Variants in ZNF536 observed in about 807,000 individuals in gnomAD.
The protein encoded by ZNF536 is zinc finger protein 536.
Under a neutral mutation model 84.5 loss-of-function variants are expected in ZNF536, and 13 were observed. The observed-to-expected ratio is 0.15, with a 90% CI of 0.10 to 0.24. The LOEUF (loss-of-function observed/expected upper bound fraction) is 0.24. Among genes scored for constraint, ZNF536 ranks in the 10% least tolerant of loss-of-function variants. The pLI, the probability that ZNF536 is intolerant of heterozygous loss-of-function variation, is 1.00. For missense variants in ZNF536, 1,536 were observed against 1,747.5 expected (o/e 0.88, Z 2.16); for synonymous variants, 811 against 742.5 (o/e 1.09, Z -1.50).
intron 1 of ZNF536, among the ~76,000 whole-genome samples, chr19:30,430,017 G>T (rs1193629724): frequency 1.3e-5 from 2 of 151,956 alleles, no homozygotes; most frequent in African/African-American, 4.8e-5. Flanking sequence ...GACAGAGTGG[G>T]GTTAGCTCTT....
chr19:30,564,029 C>G (rs1403787332), intron 1 of ZNF536, among the ~76,000 whole-genome samples: 1 of 151,958 alleles, frequency 6.6e-6, no homozygotes, highest in Admixed American at 6.6e-5. Flanking sequence ...CACAGAGGAC[C>G]CAAGGGCTAA....
chr19:30,386,275 T>C (rs549493553), intron 1 of ZNF536, among the ~76,000 whole-genome samples: 2 of 152,354 alleles, frequency 1.3e-5, no homozygotes, highest in South Asian at 4.1e-4. Flanking sequence ...TGAGTGGAGT[T>C]AGCCCCTCAC....
intron 1 of ZNF536, among the ~76,000 whole-genome samples, chr19:30,680,931 T>G (rs1364752032): frequency 6.6e-6 from 1 of 152,206 alleles, no homozygotes; most frequent in African/African-American, 2.4e-5. Context: ...CCTGACTTTT[T>G]AATGATCACC....
At chr19:30,495,646 C>T (rs1035439024) in intron 2 of ZNF536, among the ~76,000 whole-genome samples, 6 of 152,220 alleles carry the variant, frequency 3.9e-5, no homozygotes, top group Non-Finnish European at 8.8e-5. Context: ...GTTGCACATC[C>T]AAGACAGAAC....
chr19:30,492,470 TA>T (rs1208545189), intron 2 of ZNF536, among the ~76,000 whole-genome samples: 1 of 152,230 alleles, frequency 6.6e-6, no homozygotes, highest in Non-Finnish European at 1.5e-5. Flanking sequence ...AGGTATCATA[TA>T]TCAGAACATA....
chr19:30,542,993 G>A (rs993044570), intron 3 of ZNF536, among the ~76,000 whole-genome samples: 1 of 152,068 alleles, frequency 6.6e-6, no homozygotes, highest in Non-Finnish European at 1.5e-5. Context: ...TAAATTTTTT[G>A]TAGAAACGAG....
In ZNF536 at chr19:30,328,525, G is replaced by A. The variant is rs190389512; in HGVS notation, c.-119-23843G>A. Among the ~76,000 whole-genome samples, 267 of 152,276 alleles carry A rather than the reference G, an allele frequency of 1.8e-3. 3 individuals are homozygous for A. Among genetic ancestry groups the A allele is most frequent in the Middle Eastern group, 6.8e-3 (2 of 294 alleles). ...GGAAGACTTGGCTCTTAATAATTGC[G>A]TATTCAATAAATGGTGATGCATTGT... is the stretch of plus-strand genomic sequence containing the variant. On this transcript the variant is annotated intron_variant, in intron 2 of 5. Coordinates refer to the ZNF536 transcript ENST00000585628.
At chr19:30,609,326 A>G (rs888363399) in intron 1 of ZNF536, among the ~76,000 whole-genome samples, 5 of 152,210 alleles carry the variant, frequency 3.3e-5, no homozygotes, top group African/African-American at 1.2e-4. Context: ...GCTCTTGTCT[A>G]GAATCACCTC....
rs79463168 is a variant in ZNF536, at chr19:30,257,450, C to A, written c.-189-26622C>A. Reference sequence around the variant, plus strand: ...GAATATTTTCCTTTCACGTGCTGTGCCTTTTGCAAACTCTTCCTTGCATTT... The same window carrying A: ...GAATATTTTCCTTTCACGTGCTGTGACTTTTGCAAACTCTTCCTTGCATTT... On this transcript the variant is annotated intron_variant, in intron 1 of 5. Transcript: ENST00000585628. Among the ~76,000 whole-genome samples, 1,293 of 152,310 alleles carry A rather than the reference C, an allele frequency of 8.5e-3. 5 individuals carry two copies. The highest frequency in any genetic ancestry group is 0.017 in the Middle Eastern group (5 of 294).
chr19:30,430,702 C>T (rs970353512), intron 1 of ZNF536, among the ~76,000 whole-genome samples: 16 of 152,154 alleles, frequency 1.1e-4, no homozygotes, highest in Non-Finnish European at 4.4e-5. Flanking sequence ...AAAAGGGAGT[C>T]CTTTCTCTTT....
chr19:30,290,237 T>C (rs1009868248), intron 2 of ZNF536, among the ~76,000 whole-genome samples: 1 of 152,262 alleles, frequency 6.6e-6, no homozygotes, highest in Non-Finnish European at 1.5e-5. Flanking sequence ...AAGATTCTGC[T>C]ATACAGTATG....
chr19:30,384,104 CTTTCTTTCTTTCTTTCTT>C (rs2049201526), intron 1 of ZNF536, among the ~76,000 whole-genome samples: 78 of 56,906 alleles, frequency 1.4e-3, no homozygotes, highest in Non-Finnish European at 1.9e-3. Flanking sequence ...CTTTCTCTTT[CTTTCTTTCTTTCTTTCTT>C]TCTTTCTTTC....
At chr19:30,695,005 G>A (rs1487417097) in intron 1 of ZNF536, among the ~76,000 whole-genome samples, 11 of 152,322 alleles carry the variant, frequency 7.2e-5, no homozygotes, top group Admixed American at 3.3e-4. Flanking sequence ...CTGAGAAGCC[G>A]TTCAACACTC....
At chr19:30,494,440 A>G (rs1322924959) in intron 2 of ZNF536, among the ~76,000 whole-genome samples, 1 of 152,188 alleles carries the variant, frequency 6.6e-6, no homozygotes, top group Non-Finnish European at 1.5e-5. Flanking sequence ...GCTGGGATGA[A>G]TCTGCTGTCT....
intron 1 of ZNF536, among the ~76,000 whole-genome samples, chr19:30,248,762 C>A (rs1459972904): frequency 1.3e-5 from 2 of 152,110 alleles, no homozygotes; most frequent in Non-Finnish European, 2.9e-5. Flanking sequence ...CCTTGGCCAG[C>A]AGTGGTTCTG....
At chr19:30,271,946 G>C (rs927176461) in intron 1 of ZNF536, among the ~76,000 whole-genome samples, 1 of 152,202 alleles carries the variant, frequency 6.6e-6, no homozygotes, top group Non-Finnish European at 1.5e-5. Flanking sequence ...GGTAGAATGA[G>C]GTCTTCAGCC....
chr19:30,541,092 A>G (rs1270408734), intron 3 of ZNF536, among the ~76,000 whole-genome samples: 2 of 152,224 alleles, frequency 1.3e-5, no homozygotes, highest in Non-Finnish European at 2.9e-5. Flanking sequence ...AACTCATGCT[A>G]TGGTGGAAAC....
intron 1 of ZNF536, among the ~76,000 whole-genome samples, chr19:30,673,203 T>C (rs2050625519): frequency 6.6e-6 from 1 of 152,192 alleles, no homozygotes; most frequent in Admixed American, 6.5e-5. Context: ...GGGTGATCTG[T>C]ATGATCTGTG....
intron 1 of ZNF536, among the ~76,000 whole-genome samples, chr19:30,401,546 G>A (rs1410507014): frequency 6.6e-6 from 1 of 152,154 alleles, no homozygotes; most frequent in African/African-American, 2.4e-5. Context: ...TACTGTTTTG[G>A]GTCTCTTTTC....
Sources: gnomAD v4.1 joint callset for allele counts (sites outside exome capture counted in the v4.1 genomes callset) on GRCh38, gnomAD v4.1.1 for gene constraint, MANE v1.5 for transcripts, NCBI Gene and HGNC (gene_info 2026-07-23, HGNC 2026-07-21) for gene names.